The following SPATA31G1 variants were observed in gnomAD, a reference collection of about 807,000 sequenced individuals.
SPATA31G1 encodes the protein SPATA31 subfamily G member 1, also known as spermatogenesis-associated protein 31G1.
At chr9:35,042,326 T>C in the SPATA31G1 span, 2 of 1,614,088 alleles carry the variant, frequency 1.2e-6, no homozygotes, top group Non-Finnish European at 1.7e-6. Context: ...AACTGACCCA[T>C]GCCCTAGCCT....
At chr9:35,043,179 T>C in the SPATA31G1 span, 1 of 1,614,172 alleles carries the variant, frequency 6.2e-7, no homozygotes, top group Non-Finnish European at 8.5e-7. Context: ...CAAGATAGCA[T>C]CAGGGAACCG....
At chr9:35,041,374 TG>T in the SPATA31G1 span, 16 of 211,502 alleles carry the variant, frequency 7.6e-5, 2 homozygotes, top group South Asian at 8.5e-4. Flanking sequence ...CCTAATAAGA[TG>T]GAGAGGAAAG....
chr9:35,043,368 C>T, the SPATA31G1 span: 6 of 1,614,074 alleles, frequency 3.7e-6, no homozygotes, highest in Non-Finnish European at 5.1e-6. Flanking sequence ...TCCCCAGTAT[C>T]ACTCCTCAGC....
the SPATA31G1 span, chr9:35,045,371 A>C: frequency 1.9e-6 from 3 of 1,614,046 alleles, no homozygotes; most frequent in Non-Finnish European, 1.7e-6. Flanking sequence ...TGGACTATCT[A>C]TCTCCAGGCC....
At chr9:35,043,714 T>C in the SPATA31G1 span, 1 of 1,614,202 alleles carries the variant, frequency 6.2e-7, no homozygotes. Flanking sequence ...GAAGGAGGAC[T>C]TGCTATATCT....
chr9:35,044,012 T>C, the SPATA31G1 span: 1 of 1,612,868 alleles, frequency 6.2e-7, no homozygotes, highest in African/African-American at 1.3e-5. Flanking sequence ...GTAGAGAAAA[T>C]ATTTGGGTCC....
the SPATA31G1 span, chr9:35,042,918 G>C: frequency 4.3e-6 from 7 of 1,614,172 alleles, no homozygotes; most frequent in Non-Finnish European, 5.9e-6. Flanking sequence ...GCAGAAATCA[G>C]AAGTGGAGGA....
chr9:35,043,979 G>C, the SPATA31G1 span: 1 of 1,613,126 alleles, frequency 6.2e-7, no homozygotes, highest in South Asian at 1.1e-5. Flanking sequence ...CAGCATCTGA[G>C]ACACCATGGA....
the SPATA31G1 span, chr9:35,042,997 C>A: frequency 6.2e-7 from 1 of 1,614,162 alleles, no homozygotes; most frequent in Non-Finnish European, 8.5e-7. Context: ...TGTTCTCCTA[C>A]CAAAGAAGCT....
At chr9:35,041,310 T>C in the SPATA31G1 span, 9 of 223,926 alleles carry the variant, frequency 4.0e-5, no homozygotes, top group Admixed American at 2.2e-4. Context: ...TATTTAAGAA[T>C]GTTAACAGAG....
chr9:35,045,016 A>T, the SPATA31G1 span: 1 of 1,614,236 alleles, frequency 6.2e-7, no homozygotes, highest in Non-Finnish European at 8.5e-7. Flanking sequence ...AAACTGCGGC[A>T]GAGCCCTGCC....
chr9:35,044,470 C>T, the SPATA31G1 span: 2 of 1,614,194 alleles, frequency 1.2e-6, no homozygotes, highest in South Asian at 2.2e-5. Flanking sequence ...CTGCATGGAG[C>T]CAGCCCTCTG....
chr9:35,043,895 C>T, the SPATA31G1 span: 5 of 1,614,016 alleles, frequency 3.1e-6, no homozygotes, highest in Admixed American at 6.7e-5. Flanking sequence ...ACTCAGGAAA[C>T]CTCTGGGCTT....
the SPATA31G1 span, chr9:35,043,935 G>C: frequency 4.3e-6 from 7 of 1,613,802 alleles, no homozygotes; most frequent in South Asian, 7.7e-5. Context: ...CCTCAACCCA[G>C]AGCTCTCTGG....
At chr9:35,045,851 C>T in the SPATA31G1 span, 5 of 1,607,880 alleles carry the variant, frequency 3.1e-6, no homozygotes, top group Non-Finnish European at 4.2e-6. Context: ...GACCCCTACC[C>T]ACCAAATCTA....
At chr9:35,043,826 G>A in the SPATA31G1 span, 2 of 1,614,116 alleles carry the variant, frequency 1.2e-6, no homozygotes, top group Non-Finnish European at 1.7e-6. Context: ...CAGAACTCCA[G>A]AGAGAGAGTT....
chr9:35,043,215 T>G, the SPATA31G1 span: 2 of 1,614,216 alleles, frequency 1.2e-6, no homozygotes, highest in Non-Finnish European at 8.5e-7. Context: ...AAGCCAGCTC[T>G]TCTGGGGTCT....
chr9:35,044,079 G>A, the SPATA31G1 span: 1 of 1,614,110 alleles, frequency 6.2e-7, no homozygotes, highest in Non-Finnish European at 8.5e-7. Flanking sequence ...GGAGTCTCTA[G>A]TAATGGGCCC....
the SPATA31G1 span, chr9:35,045,060 A>G: frequency 6.2e-7 from 1 of 1,614,158 alleles, no homozygotes. Flanking sequence ...ATCATTTTGC[A>G]GCTCCCCTAT....
Sources: allele counts gnomAD v4.1 joint callset, GRCh38; gene constraint gnomAD v4.1.1; transcripts MANE v1.5; gene names NCBI Gene and HGNC (gene_info 2026-07-23, HGNC 2026-07-21).